Variants in USH1C observed in about 807,000 individuals in gnomAD.
USH1C encodes USH1 protein network component harmonin, also known as harmonin.
USH1C carries 90 observed loss-of-function variants against 119.3 expected under a neutral mutation model. That is an observed-to-expected ratio of 0.75 (90% CI 0.64 to 0.90). The LOEUF is 0.90. Ranked by LOEUF, USH1C falls within the 40% of genes least tolerant of loss-of-function variation. The pLI is 0.00. For synonymous variants in USH1C, 465 were observed against 443.3 expected (o/e 1.05, Z -0.62); for missense variants, 1,165 against 1,167.7 (o/e 1.00, Z 0.03).
At position 17,509,785 on chromosome 11, in the gene USH1C, G is replaced by C; in HGVS notation, c.1584C>G (p.Pro528=). The C allele has an allele frequency of 4.4e-6, 7 of 1,601,960 alleles. No individual in the cohort carries two copies. The highest frequency in any genetic ancestry group is 5.1e-6 in the Non-Finnish European group (6 of 1,179,730). The change falls in exon 18 of 27, where the codon CCC becomes CCG. Residue 528 remains proline, a synonymous_variant. Transcript: ENST00000005226. Reference sequence around the variant, plus strand: ...GCAGTCCGCCTGCGAAGCGTCTCAAGGGTGGGGCCAGGGGAGACACAGAAG... The same window carrying C: ...GCAGTCCGCCTGCGAAGCGTCTCAACGGTGGGGCCAGGGGAGACACAGAAG... The part of the protein sequence containing the change: ...PPPSVSPLAP[P]LRRFAGGLHL...
At chr11:17,505,692 A>G in intron 19 of USH1C, 138 bp downstream of exon 19, 2 of 1,311,868 alleles carry the variant, frequency 1.5e-6, no homozygotes, top group East Asian at 5.0e-5. Flanking sequence ...CTCTTGGCCA[A>G]TAAGAAGGTT....
In USH1C at chr11:17,533,248, C is replaced by T. The variant is rs1380831735; in HGVS notation, c.104+7G>A. 4 of 1,612,824 alleles carry T rather than the reference C, an allele frequency of 2.5e-6. No individual in the cohort carries two copies. Among genetic ancestry groups the T allele is most frequent in the Non-Finnish European group, 3.4e-6 (4 of 1,178,964 alleles). On this transcript the variant is annotated splice_region_variant and intron_variant, in intron 2 of 26. Transcript: ENST00000005226. Reference sequence around the variant, plus strand: ...TGGCCCACAAGAGCTGGACCCAGCACACTTACTGGTGGTACATTCGCAGCA... The same window carrying T: ...TGGCCCACAAGAGCTGGACCCAGCATACTTACTGGTGGTACATTCGCAGCA...
At chr11:17,502,756 C>A (rs1849495390) in intron 20 of USH1C, among the ~76,000 whole-genome samples, 1 of 152,198 alleles carries the variant, frequency 6.6e-6, no homozygotes, top group African/African-American at 2.4e-5. Flanking sequence ...AGTCCCTGAA[C>A]TATGTGGCCT....
At position 17,496,805 on chromosome 11, in the gene USH1C, G is replaced by A. The variant is rs34581703; in HGVS notation, c.2499C>T (p.Ile833=). 1.4e-3 allele frequency: 2,214 copies of A among 1,614,136 alleles called. 25 individuals are homozygous for A. The African/African-American group carries it at 0.025, about 18-fold the overall frequency. ...QKAWNQGGDW[I]DLVVAVCPPK... is the part of the protein sequence containing the mutation. ...GGGGGCAGACGGCAACCACAAGGTC[G>A]ATCCAGTCCTGTGGGGAGAAGCCGT... The change falls in exon 25 of 27, where the codon ATC becomes ATT. Residue 833 remains isoleucine (I), a synonymous_variant. Coordinates refer to ENST00000005226, the MANE Select transcript of USH1C (RefSeq NM_153676.4).
At position 17,533,336 on chromosome 11, in the gene USH1C, T is replaced by C; in HGVS notation, c.37-14A>G. 1 of 1,603,242 alleles carries C rather than the reference T, an allele frequency of 6.2e-7. No homozygotes were observed. The highest frequency in any genetic ancestry group is 1.7e-4 in the Middle Eastern group (1 of 6,000). ...CAGAAAATCCACCTGGAAAATCCAA[T>C]AGCAGAATCACAGCTCCAGGCTCAG... On this transcript the variant is annotated splice_polypyrimidine_tract_variant and intron_variant, in intron 1 of 26. Coordinates refer to ENST00000005226, the MANE Select transcript of USH1C (RefSeq NM_153676.4).
chr11:17,538,199 G>A (rs980179032), intron 1 of USH1C, among the ~76,000 whole-genome samples: 3 of 152,150 alleles, frequency 2.0e-5, no homozygotes, highest in African/African-American at 7.2e-5. Context: ...CCCTGCCCCT[G>A]CTGCCAGCCC....
At chr11:17,521,305 T>C in intron 13 of USH1C, 41 bp downstream of exon 13, 1 of 1,606,474 alleles carries the variant, frequency 6.2e-7, no homozygotes, top group Non-Finnish European at 8.5e-7. Context: ...CTGAGCACAC[T>C]GATGTTCATG....
rs1283466546 is a variant in USH1C at position 17,542,572 on chromosome 11, A to C, written c.36+1700T>G. 2.0e-5 allele frequency among the ~76,000 whole-genome samples: 3 copies of C among 152,230 alleles called. No homozygotes were observed. In the East Asian group the frequency reaches 5.8e-4, roughly 29 times the overall value. On this transcript the variant is annotated intron_variant, in intron 1 of 26. Transcript: ENST00000005226. ...CTTTGGAGCCTGTGGGACCTGGGGA[A>C]GAGGAACAGGGCAAACCCAGGATCT...
In USH1C at chr11:17,500,989, G is replaced by C. The variant is rs578251796; in HGVS notation, c.2380+62C>G. ...CCAAGTGGTCACCTGTTTGCTTTCCGGGAGGGCCCCGTCTAACCACTGTAT... is the reference window on the plus strand; with the variant it reads ...CCAAGTGGTCACCTGTTTGCTTTCCCGGAGGGCCCCGTCTAACCACTGTAT... On this transcript the variant is annotated intron_variant, in intron 23 of 26. Coordinates refer to ENST00000005226, the MANE Select transcript of USH1C (RefSeq NM_153676.4). 9 of 1,451,730 alleles carry C rather than the reference G, an allele frequency of 6.2e-6. No individual in the cohort carries two copies. The Admixed American group carries it at 1.4e-4, about 23-fold the overall frequency. The allele number at this position is 1,451,730 out of a possible 1,614,324, so 89.9% of individuals were successfully genotyped here. A position where few individuals can be genotyped will look rare whatever the true frequency, so the allele number is the denominator to read the frequency against.
intron 14 of USH1C, 94 bp from the exon 15 acceptor site, chr11:17,516,384 A>C: frequency 7.9e-7 from 1 of 1,272,454 alleles, no homozygotes; most frequent in Non-Finnish European, 1.1e-6. Context: ...CAAGGAATGC[A>C]TGACTTTGTG....
intron 15 of USH1C, among the ~76,000 whole-genome samples, chr11:17,512,762 C>A (rs921528558): frequency 3.3e-5 from 5 of 152,190 alleles, no homozygotes; most frequent in Non-Finnish European, 7.3e-5. Context: ...TGCCCCTCTA[C>A]CGAGGGCTAG....
intron 14 of USH1C, among the ~76,000 whole-genome samples, chr11:17,519,648 T>A (rs1410183181): frequency 6.6e-6 from 1 of 152,186 alleles, no homozygotes; most frequent in Non-Finnish European, 1.5e-5. Context: ...TTCATTGGGA[T>A]CTTAGCTCTG....
chr11:17,521,221 A>G, intron 13 of USH1C, 125 bp downstream of exon 13: 1 of 1,134,412 alleles, frequency 8.8e-7, no homozygotes, highest in Non-Finnish European at 1.3e-6. Context: ...ACTACAAATA[A>G]AGGAGGACCC....
chr11:17,504,822 C>G, intron 19 of USH1C, 125 bp from the exon 20 acceptor site: 1 of 959,332 alleles, frequency 1.0e-6, no homozygotes, highest in South Asian at 1.4e-5. Context: ...CCCGAGCAGT[C>G]TGGCTTACGT....
chr11:17,533,647 G>A lies in USH1C; in HGVS notation c.37-325C>T, dbSNP rs566413924. The A allele has an allele frequency of 1.0e-4, 52 of 510,392 alleles. 1 individual carries two copies. The highest frequency in any genetic ancestry group is 4.2e-4 in the South Asian group (26 of 62,240). The allele number at this position is 510,392 out of a possible 1,614,324, so 31.6% of individuals were successfully genotyped here. A position where few individuals can be genotyped will look rare whatever the true frequency, so the allele number is the denominator to read the frequency against. On this transcript the variant is annotated intron_variant, in intron 1 of 26. Coordinates refer to ENST00000005226, the MANE Select transcript of USH1C (RefSeq NM_153676.4). ...GTGAATCCCCATGTGACAGTGACAC[G>A]CTGCCATGGCAGTGCTGCTGCTCAC...
rs1565014170 is a variant in USH1C at position 17,494,264 on chromosome 11, A to G, written c.*68T>C. ...CCCAAGGATGCCATCTGGTGTGTGT[A>G]GTGTGGCCTCTCTCAAGGCTGATCC... is the stretch of plus-strand genomic sequence containing the variant. On this transcript the variant is annotated 3_prime_UTR_variant, in exon 27 of 27. Transcript: ENST00000005226. 2 of 1,534,014 alleles carry G rather than the reference A, an allele frequency of 1.3e-6. No individual in the cohort carries two copies. The highest frequency in any genetic ancestry group is 1.8e-6 in the Non-Finnish European group (2 of 1,122,614).
Position 17,499,974 on chromosome 11 carries a change from C to G in USH1C, c.2380+1077G>C, listed in dbSNP as rs181966165. Among the ~76,000 whole-genome samples, 43 of 152,312 alleles carry G rather than the reference C, an allele frequency of 2.8e-4. 2 individuals are homozygous for G. The East Asian group carries it at 8.3e-3, about 29-fold the overall frequency. ...GAAGGTAAGAGGCCTGGGGCTCCTC[C>G]TCCAAGGGCACCTACATCTCCACAA... On this transcript the variant is annotated intron_variant, in intron 23 of 26. Coordinates refer to ENST00000005226, the MANE Select transcript of USH1C (RefSeq NM_153676.4).
chr11:17,521,903 A>T (rs1206251512), intron 12 of USH1C, among the ~76,000 whole-genome samples: 1 of 152,206 alleles, frequency 6.6e-6, no homozygotes, highest in African/African-American at 2.4e-5. Context: ...ATATCAGCTC[A>T]CTGCAACCTC....
At chr11:17,507,918 G>A (rs1259415970) in intron 18 of USH1C, among the ~76,000 whole-genome samples, 3 of 152,142 alleles carry the variant, frequency 2.0e-5, no homozygotes, top group Non-Finnish European at 2.9e-5. Context: ...CTCCCATAGC[G>A]CATGGCTTAT....
Sources: gnomAD v4.1 joint callset for allele counts (sites outside exome capture counted in the v4.1 genomes callset) on GRCh38, gnomAD v4.1.1 for gene constraint, MANE v1.5 for transcripts, NCBI Gene and HGNC (gene_info 2026-07-23, HGNC 2026-07-21) for gene names.